Variants in GABRB2 observed in about 807,000 individuals in gnomAD.
GABRB2 encodes gamma-aminobutyric acid type A receptor subunit beta2.
In GABRB2, 16 loss-of-function variants were observed where a neutral mutation model predicts 54.7. The ratio of observed to expected loss-of-function variants is 0.29; its 90% CI spans 0.20 to 0.44. The LOEUF (loss-of-function observed/expected upper bound fraction) is 0.44, where lower values mean the gene tolerates loss of function less well. GABRB2 is among the 20% of genes least tolerant of loss of function. The pLI is 1.00. For missense variants in GABRB2, 355 were observed against 644.0 expected, an observed-to-expected ratio of 0.55 and a Z score of 4.86; for synonymous variants, 244 against 233.8, an observed-to-expected ratio of 1.04 and a Z score of -0.40.
intron 6 of GABRB2, among the ~76,000 whole-genome samples, chr5:161,336,069 A>C (rs1753981060): frequency 6.6e-6 from 1 of 152,190 alleles, no homozygotes; most frequent in African/African-American, 2.4e-5. Context: ...ATAAAGTATG[A>C]CCATATAAAA....
At chr5:161,359,835 C>T (rs111723092) in intron 5 of GABRB2, among the ~76,000 whole-genome samples, 3 of 152,058 alleles carry the variant, frequency 2.0e-5, no homozygotes, top group African/African-American at 7.2e-5. Flanking sequence ...GTAATCCCAG[C>T]ACTTTGGGAG....
chr5:161,498,684 C>G (rs958681787), intron 3 of GABRB2, among the ~76,000 whole-genome samples: 1 of 152,014 alleles, frequency 6.6e-6, no homozygotes, highest in Non-Finnish European at 1.5e-5. Flanking sequence ...TCCCTCATGG[C>G]CTTTGGAACA....
intron 3 of GABRB2, among the ~76,000 whole-genome samples, chr5:161,498,285 T>C (rs1759318600): frequency 6.6e-6 from 1 of 152,040 alleles, no homozygotes; most frequent in African/African-American, 2.4e-5. Context: ...TTAACTCTCC[T>C]GGATATTTTT....
At chr5:161,431,018 T>C (rs970788349) in intron 4 of GABRB2, among the ~76,000 whole-genome samples, 1 of 152,162 alleles carries the variant, frequency 6.6e-6, no homozygotes, top group African/African-American at 2.4e-5. Flanking sequence ...GGATTTACAA[T>C]TGTGTCTCCA....
chr5:161,519,365 T>G (rs1207368197), intron 3 of GABRB2, among the ~76,000 whole-genome samples: 2 of 152,172 alleles, frequency 1.3e-5, no homozygotes, highest in East Asian at 3.8e-4. Flanking sequence ...TTACCCCTTG[T>G]TTAAAGAAGA....
chr5:161,438,218 T>C (rs1191063325), intron 4 of GABRB2, among the ~76,000 whole-genome samples: 2 of 152,154 alleles, frequency 1.3e-5, no homozygotes, highest in Non-Finnish European at 2.9e-5. Context: ...CTTTGTATGT[T>C]TGGGAGAAAG....
intron 9 of GABRB2, among the ~76,000 whole-genome samples, chr5:161,305,356 G>A (rs997837558): frequency 4.6e-5 from 7 of 152,184 alleles, no homozygotes; most frequent in Non-Finnish European, 7.3e-5. Context: ...ATTCAAAGAA[G>A]GCATTGGCTT....
intron 5 of GABRB2, among the ~76,000 whole-genome samples, chr5:161,376,346 T>C (rs763229584): frequency 6.6e-6 from 1 of 152,126 alleles, no homozygotes; most frequent in Admixed American, 6.6e-5. Flanking sequence ...GAATCAACCA[T>C]GGTGTCAAGA....
At chr5:161,532,467 T>G (rs939455495) in intron 3 of GABRB2, among the ~76,000 whole-genome samples, 2 of 152,136 alleles carry the variant, frequency 1.3e-5, no homozygotes, top group African/African-American at 2.4e-5. Flanking sequence ...TCGGACCTAC[T>G]GACTCGGATT....
chr5:161,454,022 A>G (rs1220971083), intron 4 of GABRB2, among the ~76,000 whole-genome samples: 2 of 147,232 alleles, frequency 1.4e-5, no homozygotes, highest in African/African-American at 2.5e-5. Flanking sequence ...TTGGAGACAG[A>G]GTGAGATTCC....
intron 3 of GABRB2, among the ~76,000 whole-genome samples, chr5:161,475,907 C>T (rs1758577909): frequency 1.3e-5 from 2 of 151,940 alleles, no homozygotes; most frequent in South Asian, 4.1e-4. Context: ...AAGATGTCCA[C>T]TTTCACCACT....
At chr5:161,456,133 C>A (rs549508694) in intron 4 of GABRB2, among the ~76,000 whole-genome samples, 2 of 152,266 alleles carry the variant, frequency 1.3e-5, no homozygotes, top group South Asian at 4.2e-4. Context: ...TTAGTTCTAC[C>A]CAATTTCTTG....
chr5:161,352,173 T>C (rs1475843739), intron 5 of GABRB2, among the ~76,000 whole-genome samples: 1 of 152,006 alleles, frequency 6.6e-6, no homozygotes, highest in Non-Finnish European at 1.5e-5. Flanking sequence ...AGAACTACCA[T>C]ATATATGACC....
At chr5:161,367,016 A>G (rs1030711182) in intron 5 of GABRB2, among the ~76,000 whole-genome samples, 1 of 152,198 alleles carries the variant, frequency 6.6e-6, no homozygotes, top group African/African-American at 2.4e-5. Context: ...TTACTAAAAT[A>G]TTGTTTAAAG....
intron 3 of GABRB2, among the ~76,000 whole-genome samples, chr5:161,461,573 A>C (rs1758119643): frequency 6.6e-6 from 1 of 152,218 alleles, no homozygotes; most frequent in Admixed American, 6.5e-5. Context: ...CTATGAATGA[A>C]GCATTTATAA....
chr5:161,296,032 T>G lies in GABRB2; in HGVS notation c.1192-1604A>C, dbSNP rs571852845. ...GTACCAGTGCTTTGCAGCAACTGAT[T>G]CATTGAATGCTCACAACATTCCTTG... On this transcript the variant is annotated intron_variant, in intron 9 of 9. Transcript: ENST00000393959. 3.9e-5 allele frequency among the ~76,000 whole-genome samples: 6 copies of G among 152,334 alleles called. No homozygotes were observed. In the South Asian group the frequency reaches 8.3e-4, roughly 21 times the overall value.
chr5:161,380,740 G>A (rs1199893994), intron 5 of GABRB2, among the ~76,000 whole-genome samples: 3 of 152,202 alleles, frequency 2.0e-5, no homozygotes, highest in Admixed American at 1.3e-4. Flanking sequence ...ATGCTGCAAA[G>A]ACAAGGGTGA....
chr5:161,433,069 G>T (rs578017186), intron 4 of GABRB2, among the ~76,000 whole-genome samples: 1 of 152,152 alleles, frequency 6.6e-6, no homozygotes, highest in African/African-American at 2.4e-5. Context: ...AATTTGGAGG[G>T]ATGATGCACA....
intron 3 of GABRB2, among the ~76,000 whole-genome samples, chr5:161,507,351 T>G (rs1323851975): frequency 6.6e-6 from 1 of 152,084 alleles, no homozygotes; most frequent in East Asian, 1.9e-4. Context: ...AACGTTAATT[T>G]CTTAATCTTG....
Sources: gnomAD v4.1 joint callset for allele counts (sites outside exome capture counted in the v4.1 genomes callset) on GRCh38, gnomAD v4.1.1 for gene constraint, MANE v1.5 for transcripts, NCBI Gene and HGNC (gene_info 2026-07-23, HGNC 2026-07-21) for gene names.